The following OR4X2 variants were observed in gnomAD, a reference collection of about 807,000 sequenced individuals.
OR4X2 encodes olfactory receptor family 4 subfamily X member 2, also known as olfactory receptor 4X2.
For synonymous variants in OR4X2, 205 were observed against 136.6 expected (o/e 1.50, Z -3.49); for missense variants, 554 against 359.5 (o/e 1.54, Z -4.38).
chr11:48,245,909 T>C lies in OR4X2; in HGVS notation c.806T>C (p.Val269Ala), dbSNP rs932142740. 8 of 1,613,868 alleles carry C rather than the reference T, an allele frequency of 5.0e-6. No individual in the cohort carries two copies. The African/African-American group carries it at 9.3e-5, about 19-fold the overall frequency. The part of the protein sequence containing the change: ...IDKMVAVFYT[V>A]ITAILNPVIY... The stretch of plus-strand genomic sequence containing the variant: ...AAGATGGTGGCTGTGTTCTACACAG[T>C]GATAACCGCGATCCTGAACCCTGTC... The change falls in exon 1 of 1, where the codon GTG (valine) becomes GCG (alanine). Residue 269 changes from valine to alanine, a missense_variant. Physicochemically the swap from Val to Ala is moderately conservative, Grantham distance 64. Coordinates refer to ENST00000624868, the MANE Select transcript of OR4X2 (RefSeq NM_001004727.1).
At position 48,245,499 on chromosome 11, in the gene OR4X2, G is replaced by T. The variant is rs147511889; in HGVS notation, c.396G>T (p.Val132=). 2.2e-5 allele frequency: 35 copies of T among 1,614,054 alleles called. No homozygotes were observed. Among genetic ancestry groups the T allele is most frequent in the Non-Finnish European group, 2.8e-5 (33 of 1,180,048 alleles). The part of the protein sequence containing the change: ...LSYTTIMNWQ[V]CTVLVGIAWV... ...ACACCACCATCATGAACTGGCAGGT[G>T]TGTACTGTCCTTGTAGGAATAGCAT... The change falls in exon 1 of 1, where the codon GTG becomes GTT. Residue 132 remains valine (V), a synonymous_variant. Coordinates refer to ENST00000624868, the MANE Select transcript of OR4X2 (RefSeq NM_001004727.1).
Position 48,245,811 on chromosome 11 carries a change from C to G in OR4X2, c.708C>G (p.Phe236Leu). Residue 236 changes from phenylalanine to leucine, a missense_variant, in exon 1 of 1, where the codon TTC becomes TTG. Coordinates refer to ENST00000624868, the MANE Select transcript of OR4X2 (RefSeq NM_001004727.1). ...CKALSTCGSH[F>L]AVVILFFGPC... ...CCCTCTCCACCTGTGGGTCCCATTT[C>G]GCTGTGGTTATCTTGTTCTTTGGGC... The G allele has an allele frequency of 1.9e-6, 3 of 1,614,064 alleles. No homozygotes were observed. Among genetic ancestry groups the G allele is most frequent in the Non-Finnish European group, 2.5e-6 (3 of 1,179,992 alleles).
chr11:48,245,370 C>T lies in OR4X2; in HGVS notation c.267C>T (p.Cys89=), dbSNP rs1859052217. 2.5e-6 allele frequency: 4 copies of T among 1,614,160 alleles called. No homozygotes were observed. The highest frequency in any genetic ancestry group is 2.5e-6 in the Non-Finnish European group (3 of 1,180,018). The change falls in exon 1 of 1, where the codon TGC becomes TGT. Residue 89 remains cysteine (C), a synonymous_variant. Coordinates refer to ENST00000624868, the MANE Select transcript of OR4X2 (RefSeq NM_001004727.1). ...AERKVISWWG[C]MAQLFFLHFF... ...GGAAAGTCATATCTTGGTGGGGCTG[C>T]ATGGCACAGCTTTTCTTCTTGCACT...
chr11:48,245,465 C>G lies in OR4X2; in HGVS notation c.362C>G (p.Pro121Arg). 1 of 1,614,120 alleles carries G rather than the reference C, an allele frequency of 6.2e-7. No homozygotes were observed. Among genetic ancestry groups the G allele is most frequent in the Non-Finnish European group, 8.5e-7 (1 of 1,180,036 alleles). ...AYDHYVAICK[P>R]LSYTTIMNWQ... ...GACCACTATGTGGCCATCTGCAAGCCCCTCAGCTACACCACCATCATGAAC... is the reference window on the plus strand; with the variant it reads ...GACCACTATGTGGCCATCTGCAAGCGCCTCAGCTACACCACCATCATGAAC... Residue 121 changes from proline (P) to arginine (R), a missense_variant, in exon 1 of 1, where the codon CCC (proline) becomes CGC (arginine). Pro to Arg is a moderately radical substitution (Grantham distance 103). Transcript: ENST00000624868.
At position 48,245,879 on chromosome 11, in the gene OR4X2, T is replaced by G. The variant is rs755393043; in HGVS notation, c.776T>G (p.Ile259Arg). ...NSLRPSTTLP[I>R]DKMVAVFYTV... ...CTGAGGCCTTCTACCACTCTGCCCA[T>G]AGACAAGATGGTGGCTGTGTTCTAC... Residue 259 changes from isoleucine to arginine, a missense_variant, in exon 1 of 1, where the codon ATA becomes AGA. By Grantham distance (97) the Ile-to-Arg change is moderately conservative. Transcript: ENST00000624868. 1.9e-6 allele frequency: 3 copies of G among 1,614,020 alleles called. No individual in the cohort carries two copies. The South Asian group carries it at 3.3e-5, about 18-fold the overall frequency.
At position 48,245,911 on chromosome 11, in the gene OR4X2, A is replaced by G; in HGVS notation, c.808A>G (p.Ile270Val). Reference sequence around the variant, plus strand: ...GATGGTGGCTGTGTTCTACACAGTGATAACCGCGATCCTGAACCCTGTCAT... The same window carrying G: ...GATGGTGGCTGTGTTCTACACAGTGGTAACCGCGATCCTGAACCCTGTCAT... ...DKMVAVFYTV[I>V]TAILNPVIYS... Residue 270 changes from isoleucine to valine, a missense_variant, in exon 1 of 1, where the codon ATA becomes GTA. By Grantham distance (29) the Ile-to-Val change is conservative. Coordinates refer to ENST00000624868, the MANE Select transcript of OR4X2 (RefSeq NM_001004727.1). 1.2e-6 allele frequency: 2 copies of G among 1,614,136 alleles called. No homozygotes were observed. Among genetic ancestry groups the G allele is most frequent in the Non-Finnish European group, 8.5e-7 (1 of 1,180,004 alleles).
Position 48,245,339 on chromosome 11 carries a change from C to T in OR4X2, c.236C>T (p.Ala79Val), listed in dbSNP as rs867336590. ...TAPKLISDLL[A>V]ERKVISWWGC... ...CCCAAACTCATCTCAGATCTGCTGG[C>T]TGAAAGGAAAGTCATATCTTGGTGG... is the stretch of plus-strand genomic sequence containing the variant. Residue 79 changes from alanine (A) to valine (V), a missense_variant, in exon 1 of 1, where the codon GCT becomes GTT. Physicochemically the swap from Ala to Val is moderately conservative, Grantham distance 64 (BLOSUM62 0). Coordinates refer to ENST00000624868, the MANE Select transcript of OR4X2 (RefSeq NM_001004727.1). The T allele has an allele frequency of 3.1e-6, 5 of 1,614,020 alleles. No homozygotes were observed. The highest frequency in any genetic ancestry group is 3.4e-6 in the Non-Finnish European group (4 of 1,180,038).
Position 48,245,422 on chromosome 11 carries a change from C to A in OR4X2, c.319C>A (p.Leu107Ile). ...CTTTGGTGGCACTGAGATTTTCCTGCTCACTGTGATGGCCTATGACCACTA... is the reference window on the plus strand; with the variant it reads ...CTTTGGTGGCACTGAGATTTTCCTGATCACTGTGATGGCCTATGACCACTA... ...HFFGGTEIFL[L>I]TVMAYDHYVA... The change falls in exon 1 of 1, where the codon CTC becomes ATC. Residue 107 changes from leucine (L) to isoleucine (I), a missense_variant. By Grantham distance (5) the Leu-to-Ile change is conservative (BLOSUM62 2). Transcript: ENST00000624868. 1 of 1,614,160 alleles carries A rather than the reference C, an allele frequency of 6.2e-7. No homozygotes were observed. Among genetic ancestry groups the A allele is most frequent in the Non-Finnish European group, 8.5e-7 (1 of 1,180,018 alleles).
chr11:48,245,125 G>A lies in OR4X2; in HGVS notation c.22G>A (p.Val8Ile), dbSNP rs200217220. 1.2e-6 allele frequency: 2 copies of A among 1,612,386 alleles called. No homozygotes were observed. The highest frequency in any genetic ancestry group is 1.1e-5 in the South Asian group (1 of 90,730). Residue 8 changes from valine (V) to isoleucine (I), a missense_variant, in exon 1 of 1, where the codon GTA becomes ATA. By Grantham distance (29) the Val-to-Ile change is conservative. Transcript: ENST00000624868. MTEFIFLVLSPNQEVQRV... is the reference protein window; with the variant it reads MTEFIFLILSPNQEVQRV... ...CAACATGACTGAATTCATTTTTCTG[G>A]TACTTTCTCCCAACCAGGAGGTGCA...
chr11:48,245,978 G>T lies in OR4X2; in HGVS notation c.875G>T (p.Arg292Met), dbSNP rs375131078. ...GCTGAAATGAGGAAGGCCATGAAGA[G>T]GCTGTGGATTAGGACATTGAGACTA... ...RNAEMRKAMKRLWIRTLRLNE... is the reference protein window; with the variant it reads ...RNAEMRKAMKMLWIRTLRLNE... Residue 292 changes from arginine (R) to methionine (M), a missense_variant, in exon 1 of 1, where the codon AGG becomes ATG. Arg to Met is a moderately conservative substitution (Grantham distance 91). Coordinates refer to ENST00000624868, the MANE Select transcript of OR4X2 (RefSeq NM_001004727.1). The T allele has an allele frequency of 1.2e-6, 2 of 1,613,954 alleles. No individual in the cohort carries two copies. Among genetic ancestry groups the T allele is most frequent in the South Asian group, 2.2e-5 (2 of 91,074 alleles).
Position 48,245,925 on chromosome 11 carries a change from G to A in OR4X2, c.822G>A (p.Leu274=). The A allele has an allele frequency of 6.2e-7, 1 of 1,614,080 alleles. No individual in the cohort carries two copies. Among genetic ancestry groups the A allele is most frequent in the Non-Finnish European group, 8.5e-7 (1 of 1,179,974 alleles). Residue 274 remains leucine (L), a synonymous_variant, in exon 1 of 1, where the codon CTG becomes CTA. Coordinates refer to ENST00000624868, the MANE Select transcript of OR4X2 (RefSeq NM_001004727.1). ...TCTACACAGTGATAACCGCGATCCT[G>A]AACCCTGTCATCTACTCTCTGAGAA... is the stretch of plus-strand genomic sequence containing the variant. The part of the protein sequence containing the change: ...AVFYTVITAI[L]NPVIYSLRNA...
In OR4X2 at chr11:48,245,391, G is replaced by T. The variant is rs754246976; in HGVS notation, c.288G>T (p.Leu96Phe). 1.2e-6 allele frequency: 2 copies of T among 1,614,078 alleles called. No homozygotes were observed. Among genetic ancestry groups the T allele is most frequent in the South Asian group, 2.2e-5 (2 of 91,070 alleles). ...GCTGCATGGCACAGCTTTTCTTCTT[G>T]CACTTCTTTGGTGGCACTGAGATTT... ...WWGCMAQLFF[L>F]HFFGGTEIFL... The change falls in exon 1 of 1, where the codon TTG (leucine) becomes TTT (phenylalanine). Residue 96 changes from leucine to phenylalanine, a missense_variant. Transcript: ENST00000624868.
In OR4X2 at chr11:48,245,274, C is replaced by A. The variant is rs748907486; in HGVS notation, c.171C>A (p.Tyr57Ter). Residue 57 changes from tyrosine (Y) to a stop codon, truncating the protein, a stop_gained, in exon 1 of 1, where the codon TAC becomes TAA. Coordinates refer to ENST00000624868, the MANE Select transcript of OR4X2 (RefSeq NM_001004727.1). LOFTEE classifies it low-confidence loss of function (END_TRUNC). ...LGSPMYFFLS[Y>*]LSFMEICYSS... is the part of the protein sequence containing the mutation. ...CCCCCATGTACTTCTTCCTCAGCTA[C>A]CTCTCCTTCATGGAGATCTGCTACT... The A allele has an allele frequency of 1.1e-5, 18 of 1,614,144 alleles. No individual in the cohort carries two copies. The highest frequency in any genetic ancestry group is 1.5e-5 in the Non-Finnish European group (18 of 1,180,020).
rs762962985 is a variant in OR4X2, at chr11:48,245,128, C to T, written c.25C>T (p.Leu9Phe). The T allele has an allele frequency of 1.6e-5, 25 of 1,612,858 alleles. No homozygotes were observed. The highest frequency in any genetic ancestry group is 2.1e-5 in the Non-Finnish European group (25 of 1,179,414). ...CATGACTGAATTCATTTTTCTGGTA[C>T]TTTCTCCCAACCAGGAGGTGCAGAG... MTEFIFLV[L>F]SPNQEVQRVC... is the part of the protein sequence containing the mutation. Residue 9 changes from leucine (L) to phenylalanine (F), a missense_variant, in exon 1 of 1, where the codon CTT (leucine) becomes TTT (phenylalanine). Physicochemically the swap from Leu to Phe is conservative, Grantham distance 22. Coordinates refer to ENST00000624868, the MANE Select transcript of OR4X2 (RefSeq NM_001004727.1).
rs575455598 is a variant in OR4X2, at chr11:48,245,764, A to G, written c.661A>G (p.Ser221Gly). Residue 221 changes from serine to glycine, a missense_variant, in exon 1 of 1, where the codon AGC becomes GGC. Transcript: ENST00000624868. ...MVILLHLRTW[S>G]SEGWCKALST... ...CATCTTGCTCCATCTGAGAACCTGG[A>G]GCTCTGAAGGGTGGTGCAAAGCCCT... 6.2e-7 allele frequency: 1 copy of G among 1,613,902 alleles called. No homozygotes were observed. Among genetic ancestry groups the G allele is most frequent in the East Asian group, 2.2e-5 (1 of 44,854 alleles).
At position 48,245,203 on chromosome 11, in the gene OR4X2, A is replaced by G. The variant is rs1054596130; in HGVS notation, c.100A>G (p.Asn34Asp). The G allele has an allele frequency of 6.2e-7, 1 of 1,614,088 alleles. No individual in the cohort carries two copies. Among genetic ancestry groups the G allele is most frequent in the African/African-American group, 1.3e-5 (1 of 75,010 alleles). Residue 34 changes from asparagine to aspartate, a missense_variant, in exon 1 of 1, where the codon AAT becomes GAT. Asn to Asp is a conservative substitution (Grantham distance 23). Transcript: ENST00000624868. ...CTTGTACACAGCAATTGTGCTGGGG[A>G]ATTTCCTCATTGTGCTCACTGTCAT... Reference protein sequence around the residue: ...LFLYTAIVLGNFLIVLTVMTS... With the variant: ...LFLYTAIVLGDFLIVLTVMTS...
At position 48,245,788 on chromosome 11, in the gene OR4X2, C is replaced by T; in HGVS notation, c.685C>T (p.Leu229Phe). 4.3e-6 allele frequency: 7 copies of T among 1,614,092 alleles called. No homozygotes were observed. Among genetic ancestry groups the T allele is most frequent in the Non-Finnish European group, 5.9e-6 (7 of 1,180,010 alleles). ...GAGCTCTGAAGGGTGGTGCAAAGCC[C>T]TCTCCACCTGTGGGTCCCATTTCGC... The part of the protein sequence containing the change: ...TWSSEGWCKA[L>F]STCGSHFAVV... Residue 229 changes from leucine to phenylalanine, a missense_variant, in exon 1 of 1, where the codon CTC becomes TTC. Coordinates refer to ENST00000624868, the MANE Select transcript of OR4X2 (RefSeq NM_001004727.1).
chr11:48,245,861 C>T lies in OR4X2; in HGVS notation c.758C>T (p.Pro253Leu). 5 of 1,614,092 alleles carry T rather than the reference C, an allele frequency of 3.1e-6. No homozygotes were observed. The South Asian group carries it at 4.4e-5, about 14-fold the overall frequency. Residue 253 changes from proline to leucine, a missense_variant, in exon 1 of 1, where the codon CCT becomes CTT. Transcript: ENST00000624868. Reference protein sequence around the residue: ...FGPCVFNSLRPSTTLPIDKMV... With the variant: ...FGPCVFNSLRLSTTLPIDKMV... ...CCCTGCGTCTTCAACTCTCTGAGGC[C>T]TTCTACCACTCTGCCCATAGACAAG...
chr11:48,245,269 A>G lies in OR4X2; in HGVS notation c.166A>G (p.Ser56Gly), dbSNP rs1005122088. Residue 56 changes from serine (S) to glycine (G), a missense_variant, in exon 1 of 1, where the codon AGC (serine) becomes GGC (glycine). Ser to Gly is a moderately conservative substitution (Grantham distance 56). Coordinates refer to ENST00000624868, the MANE Select transcript of OR4X2 (RefSeq NM_001004727.1). Reference protein sequence around the residue: ...SLGSPMYFFLSYLSFMEICYS... With the variant: ...SLGSPMYFFLGYLSFMEICYS... The stretch of plus-strand genomic sequence containing the variant: ...TGGTTCCCCCATGTACTTCTTCCTC[A>G]GCTACCTCTCCTTCATGGAGATCTG... 5.0e-6 allele frequency: 8 copies of G among 1,613,982 alleles called. No individual in the cohort carries two copies. The highest frequency in any genetic ancestry group is 1.1e-5 in the South Asian group (1 of 91,078).
Sources: gnomAD v4.1 joint callset for allele counts on GRCh38, gnomAD v4.1.1 for gene constraint, MANE v1.5 for transcripts, NCBI Gene and HGNC (gene_info 2026-07-23, HGNC 2026-07-21) for gene names.